UGT1A10: variants seen among roughly 807,000 people sequenced by gnomAD.
UGT1A10 encodes the protein UDP glucuronosyltransferase family 1 member A10.
Under a neutral mutation model 45.8 loss-of-function variants are expected in UGT1A10, and 49 were observed. That is an observed-to-expected ratio of 1.07 (90% CI 0.85 to 1.36). The LOEUF is 1.36. Ranked by LOEUF, UGT1A10 falls within the 40% of genes most tolerant of loss-of-function variation. The pLI is 0.00. For synonymous variants in UGT1A10, 284 were observed against 249.7 expected (o/e 1.14, Z -1.29); for missense variants, 745 against 668.6 (o/e 1.11, Z -1.26).
At position 233,769,843 on chromosome 2, in the gene UGT1A10, G is replaced by T; in HGVS notation, c.1295+1404G>T. On this transcript the variant is annotated intron_variant, in intron 4 of 4. Transcript: ENST00000344644. The surrounding 1 kb of genome is among the most constrained non-coding windows in gnomAD (Gnocchi z 4.4). ...GCACTCCAGCAACCTGGGCAACAGA[G>T]TGAGACCCTGTCTCAAAAAAAAAAA... 9 of 506,258 alleles carry T rather than the reference G, an allele frequency of 1.8e-5. No individual in the cohort carries two copies. The highest frequency in any genetic ancestry group is 4.7e-5 in the South Asian group (1 of 21,142). The allele number at this position is 506,258 out of a possible 1,614,324, so 31.4% of individuals were successfully genotyped here.
chr2:233,692,881 G>C, intron 1 of UGT1A10: 1 of 1,505,500 alleles, frequency 6.6e-7, no homozygotes, highest in South Asian at 1.4e-5. Flanking sequence ...GTAAAATTCA[G>C]AGCAAGGGAG....
intron 1 of UGT1A10, among the ~76,000 whole-genome samples, chr2:233,759,713 T>TGGTG (rs1157954887): frequency 2.6e-5 from 4 of 151,594 alleles, no homozygotes; most frequent in African/African-American, 9.7e-5. Flanking sequence ...CGTGCTCGTG[T>TGGTG]GGTGGGCTCT....
intron 1 of UGT1A10, chr2:233,693,778 C>G: frequency 6.2e-7 from 1 of 1,614,186 alleles, no homozygotes; most frequent in Non-Finnish European, 8.5e-7. Flanking sequence ...TAAGATATGA[C>G]TTTGTGCTTG....
chr2:233,637,377 G>A lies in UGT1A10; in HGVS notation c.855G>A (p.Met285Ile). 6.2e-7 allele frequency: 1 copy of A among 1,611,630 alleles called. No homozygotes were observed. Among genetic ancestry groups the A allele is most frequent in the Non-Finnish European group, 8.5e-7 (1 of 1,178,266 alleles). ...INCHQGKPLP[M>I]EFEAYINASG... ...GTCATCAGGGAAAGCCATTGCCTAT[G>A]GTAAGTCACCTCTCCTTTAGCACAT... Residue 285 changes from methionine to isoleucine, a missense_variant and splice_region_variant, in exon 1 of 5, where the codon ATG becomes ATA. Physicochemically the swap from Met to Ile is conservative, Grantham distance 10. Transcript: ENST00000344644.
Position 233,667,598 on chromosome 2 carries a change from T to A in UGT1A10, c.855+30221T>A, listed in dbSNP as rs61691961. Among the ~76,000 whole-genome samples the A allele has an allele frequency of 7.7e-3, 1,179 of 152,188 alleles. 23 individuals are homozygous for A. The highest frequency in any genetic ancestry group is 0.027 in the African/African-American group (1,127 of 41,516). On this transcript the variant is annotated intron_variant, in intron 1 of 4. Coordinates refer to ENST00000344644, the MANE Select transcript of UGT1A10 (RefSeq NM_019075.4). ...ACTACCATCAGAGTGAACAGGCAAC[T>A]TACAGAATGGGAGAAAATTTTGGAA... is the stretch of plus-strand genomic sequence containing the variant.
At chr2:233,760,188 C>T (rs1697341455) in intron 1 of UGT1A10, 3 of 1,563,658 alleles carry the variant, frequency 1.9e-6, no homozygotes, top group East Asian at 2.3e-5. Flanking sequence ...TTTATAGTCA[C>T]GTGACACAGT....
chr2:233,667,846 A>C (rs552039813), intron 1 of UGT1A10, among the ~76,000 whole-genome samples: 15 of 152,274 alleles, frequency 9.9e-5, no homozygotes, highest in East Asian at 7.7e-4. Flanking sequence ...CATCTCACAC[A>C]AGTTAGAATG....
At chr2:233,638,432 T>C (rs566991215) in intron 1 of UGT1A10, among the ~76,000 whole-genome samples, 1 of 152,348 alleles carries the variant, frequency 6.6e-6, no homozygotes, top group South Asian at 2.1e-4. Flanking sequence ...ATGTACAATA[T>C]ACAATACCAT....
In UGT1A10 at chr2:233,693,556, A is replaced by C. The variant is rs1105879; in HGVS notation, c.855+56179A>C. The C allele has an allele frequency of 0.35, 557,689 of 1,613,924 alleles. 98,561 individuals carry two copies. The highest frequency in any genetic ancestry group is 0.44 in the South Asian group (40,333 of 91,082). ...GTTCCCTGGAGCATACATTCAGCAG[A>C]AGCCCAGACCCTGTGTCCTACATTC... On this transcript the variant is annotated intron_variant, in intron 1 of 4. Coordinates refer to ENST00000344644, the MANE Select transcript of UGT1A10 (RefSeq NM_019075.4).
chr2:233,672,066 G>T lies in UGT1A10; in HGVS notation c.855+34689G>T, dbSNP rs747820037. The T allele has an allele frequency of 5.0e-6, 8 of 1,614,010 alleles. No individual in the cohort carries two copies. In the African/African-American group the frequency reaches 9.3e-5, roughly 19 times the overall value. On this transcript the variant is annotated intron_variant, in intron 1 of 4. Transcript: ENST00000344644. ...GCCACTGGTTCACCATGAGGTCGGT[G>T]GTGGAGAAACTCATTCTCAGGGGGC...
At chr2:233,743,983 G>C in intron 1 of UGT1A10, 2 of 1,288,226 alleles carry the variant, frequency 1.6e-6, no homozygotes, top group Middle Eastern at 2.3e-4. Flanking sequence ...GCACCCAGGC[G>C]CAGGCCCGAG....
Position 233,772,472 on chromosome 2 carries a change from C to A in UGT1A10, c.1506C>A (p.Ile502=). ...CCGTCGTGCTGACAGTGGCCTTCAT[C>A]ACCTTTAAATGTTGTGCTTATGGCT... The part of the protein sequence containing the change: ...LLAVVLTVAF[I]TFKCCAYGYR... Residue 502 remains isoleucine (I), a synonymous_variant, in exon 5 of 5, where the codon ATC becomes ATA. Transcript: ENST00000344644. The A allele has an allele frequency of 6.2e-7, 1 of 1,614,132 alleles. No homozygotes were observed. Among genetic ancestry groups the A allele is most frequent in the Non-Finnish European group, 8.5e-7 (1 of 1,180,020 alleles).
At chr2:233,748,943 C>G (rs1694067259) in intron 1 of UGT1A10, among the ~76,000 whole-genome samples, 1 of 151,688 alleles carries the variant, frequency 6.6e-6, no homozygotes, top group Admixed American at 6.6e-5. Flanking sequence ...CAAACCCACC[C>G]TATCCCACTC....
chr2:233,682,602 A>G (rs1352958533), intron 1 of UGT1A10: 3 of 1,613,792 alleles, frequency 1.9e-6, no homozygotes, highest in African/African-American at 1.3e-5. Flanking sequence ...TTTTGCCCCT[A>G]TTTTTTCAAA....
intron 1 of UGT1A10, among the ~76,000 whole-genome samples, chr2:233,648,596 G>C (rs766631550): frequency 1.9e-4 from 29 of 150,798 alleles, no homozygotes; most frequent in Non-Finnish European, 3.5e-4. Flanking sequence ...AAGTAGCTGG[G>C]ACTACAGGTG....
intron 1 of UGT1A10, among the ~76,000 whole-genome samples, chr2:233,653,221 G>T (rs1163570284): frequency 6.6e-6 from 1 of 152,148 alleles, no homozygotes; most frequent in Admixed American, 6.5e-5. Flanking sequence ...ATCTGTTTAC[G>T]TTTTAAAAGG....
chr2:233,652,749 G>A (rs2073769728), intron 1 of UGT1A10, among the ~76,000 whole-genome samples: 1 of 152,224 alleles, frequency 6.6e-6, no homozygotes, highest in Admixed American at 6.5e-5. Flanking sequence ...AGAGGTCGCT[G>A]AGACAGCTGC....
intron 1 of UGT1A10, among the ~76,000 whole-genome samples, chr2:233,730,665 G>A (rs752963850): frequency 1.3e-5 from 2 of 152,252 alleles, no homozygotes; most frequent in African/African-American, 4.8e-5. Flanking sequence ...AGTTCGGAAG[G>A]CAAAGTAATG....
At chr2:233,689,794 G>A (rs867231935) in intron 1 of UGT1A10, 1 of 429,096 alleles carries the variant, frequency 2.3e-6, no homozygotes. Flanking sequence ...GATGTGATCT[G>A]TAGTTTCTAT....
Sources: gnomAD v4.1 joint callset for allele counts (sites outside exome capture counted in the v4.1 genomes callset) on GRCh38, gnomAD v4.1.1 for gene constraint, Gnocchi (gnomAD v3.1) non-coding constraint, MANE v1.5 for transcripts, NCBI Gene and HGNC (gene_info 2026-07-23, HGNC 2026-07-21) for gene names.